RYR2: variants seen among roughly 807,000 people sequenced by gnomAD.
RYR2 encodes ryanodine receptor 2.
A neutral mutation model predicts 601.1 loss-of-function variants in RYR2; 227 were observed. The ratio of observed to expected loss-of-function variants is 0.38; its 90% CI spans 0.34 to 0.42. The LOEUF (loss-of-function observed/expected upper bound fraction) is 0.42, where lower values mean the gene tolerates loss of function less well. Ranked by LOEUF, RYR2 falls within the 10% of genes least tolerant of loss-of-function variation. RYR2 has a pLI of 1.00. For synonymous variants in RYR2, 2,223 were observed against 2,175.1 expected (o/e 1.02, Z -0.61); for missense variants, 4,646 against 6,156.5 (o/e 0.75, Z 8.21).
At chr1:237,369,734 A>G (rs765870413) in intron 6 of RYR2, 126 bp downstream of exon 6, 42 of 743,890 alleles carry the variant, frequency 5.6e-5, no homozygotes, top group Non-Finnish European at 8.9e-5. Context: ...GTGTTCTTTC[A>G]TATCTTTGTA....
rs370830831 is a variant in RYR2 at position 237,686,317 on chromosome 1, G to A, written c.9018-1138G>A. ...GTGCTCTCTGAGAGCTGAGAAGAGC[G>A]TGAGTAGATTTGAAAATAATGTCAC... is the stretch of plus-strand genomic sequence containing the variant. On this transcript the variant is annotated intron_variant, in intron 62 of 104. Transcript: ENST00000366574. Among the ~76,000 whole-genome samples the A allele has an allele frequency of 3.9e-4, 59 of 152,292 alleles. No homozygotes were observed. In the South Asian group the frequency reaches 9.9e-3, roughly 26 times the overall value.
chr1:237,274,300 A>G (rs1023093852), intron 2 of RYR2, among the ~76,000 whole-genome samples: 14 of 151,524 alleles, frequency 9.2e-5, no homozygotes, highest in Admixed American at 9.2e-4. Context: ...TAAGATCATA[A>G]TGGAGCTGAA....
chr1:237,128,965 T>A (rs917283616), intron 1 of RYR2, among the ~76,000 whole-genome samples: 1 of 152,216 alleles, frequency 6.6e-6, no homozygotes, highest in African/African-American at 2.4e-5. Context: ...GCTGCCATTT[T>A]CTGGTGTGGA....
At chr1:237,385,715 T>A (rs1198672560) in intron 8 of RYR2, among the ~76,000 whole-genome samples, 1 of 152,256 alleles carries the variant, frequency 6.6e-6, no homozygotes, top group Admixed American at 6.5e-5. Flanking sequence ...TACACTAGGT[T>A]ATTGAAATAC....
intron 10 of RYR2, among the ~76,000 whole-genome samples, chr1:237,406,142 C>CACCTCCCCTCCCCTTCCCTTCCCTT: frequency 1.9e-5 from 1 of 51,308 alleles, no homozygotes; most frequent in Non-Finnish European, 3.8e-5. Flanking sequence ...GTCCTTTCAT[C>CACCTCCCCTCCCCTTCCCTTCCCTT]CCCTCCCCTC....
intron 30 of RYR2, 148 bp downstream of exon 30, chr1:237,590,149 T>G (rs1572996883): frequency 1.3e-6 from 1 of 752,646 alleles, no homozygotes; most frequent in South Asian, 2.2e-5. Context: ...TAAGCAAAGA[T>G]GGTACTTTCT....
At chr1:237,082,544 TATATATATATATAA>T (rs1371951396) in intron 1 of RYR2, among the ~76,000 whole-genome samples, 2 of 119,428 alleles carry the variant, frequency 1.7e-5, no homozygotes, top group African/African-American at 7.6e-5. Flanking sequence ...TATATATATA[TATATATATATATAA>T]AATCGGATAT....
At chr1:237,333,938 C>G (rs371817040) in intron 3 of RYR2, among the ~76,000 whole-genome samples, 2 of 152,174 alleles carry the variant, frequency 1.3e-5, no homozygotes, top group African/African-American at 4.8e-5. Flanking sequence ...TGATTCCCAA[C>G]TCTTTCATAA....
At chr1:237,516,743 G>A (rs1445363890) in intron 24 of RYR2, among the ~76,000 whole-genome samples, 1 of 152,156 alleles carries the variant, frequency 6.6e-6, no homozygotes, top group Admixed American at 6.5e-5. Context: ...ACACATGCCA[G>A]GAACCTGGGA....
At chr1:237,264,703 T>A (rs200851299) in intron 1 of RYR2, among the ~76,000 whole-genome samples, 24,571 of 150,924 alleles carry the variant, frequency 0.16, 2,496 homozygotes, top group East Asian at 0.53. Context: ...ATTATTATTT[T>A]TTTTTTTTTG....
At chr1:237,261,065 C>T (rs1409449000) in intron 1 of RYR2, among the ~76,000 whole-genome samples, 1 of 152,210 alleles carries the variant, frequency 6.6e-6, no homozygotes, top group South Asian at 2.1e-4. Flanking sequence ...TTTTATTTGT[C>T]TGTATGACAT....
rs1037487017 is a variant in RYR2 at position 237,501,593 on chromosome 1, G to A, written c.2396+690G>A. Among the ~76,000 whole-genome samples the A allele has an allele frequency of 1.7e-4, 26 of 152,250 alleles. 1 individual carries two copies. Among genetic ancestry groups the A allele is most frequent in the Middle Eastern group, 3.4e-3 (1 of 294 alleles). ...ATACACACACACACCTGTACACTTA[G>A]AAGGACTCCATTTGTTTCAGTTATT... is the stretch of plus-strand genomic sequence containing the variant. On this transcript the variant is annotated intron_variant, in intron 21 of 104. Coordinates refer to ENST00000366574, the MANE Select transcript of RYR2 (RefSeq NM_001035.3).
At chr1:237,508,226 G>A (rs1665467943) in intron 23 of RYR2, among the ~76,000 whole-genome samples, 1 of 152,112 alleles carries the variant, frequency 6.6e-6, no homozygotes, top group South Asian at 2.1e-4. Context: ...CTCCCAAAGT[G>A]CTGGGATTAC....
intron 1 of RYR2, among the ~76,000 whole-genome samples, chr1:237,142,450 C>G (rs1329450796): frequency 6.6e-6 from 1 of 152,176 alleles, no homozygotes; most frequent in Non-Finnish European, 1.5e-5. Flanking sequence ...ATTTGAAGAA[C>G]ACTTCTGGGG....
intron 71 of RYR2, among the ~76,000 whole-genome samples, chr1:237,712,505 T>C (rs752761352): frequency 6.6e-6 from 1 of 151,848 alleles, no homozygotes; most frequent in Admixed American, 6.6e-5. Flanking sequence ...CTCCAAGATG[T>C]CAGAGCAACA....
intron 62 of RYR2, among the ~76,000 whole-genome samples, chr1:237,683,484 G>A (rs953125005): frequency 2.0e-5 from 3 of 152,156 alleles, no homozygotes; most frequent in African/African-American, 7.2e-5. Context: ...AGAGGGGCGA[G>A]AGATTTATGG....
At chr1:237,726,194 C>A in intron 74 of RYR2, 79 bp from the exon 75 acceptor site, 1 of 966,164 alleles carries the variant, frequency 1.0e-6, no homozygotes. Flanking sequence ...TTATTACAAT[C>A]ATTTTTGACT....
chr1:237,572,445 A>G (rs1169689648), intron 29 of RYR2, among the ~76,000 whole-genome samples: 1 of 152,220 alleles, frequency 6.6e-6, no homozygotes, highest in Non-Finnish European at 1.5e-5. Flanking sequence ...GGTACCACAC[A>G]GTCACATAGA....
intron 38 of RYR2, among the ~76,000 whole-genome samples, chr1:237,621,955 TCTATTTTGA>T: frequency 6.6e-6 from 1 of 152,312 alleles, no homozygotes; most frequent in South Asian, 2.1e-4. Flanking sequence ...GGAATTATCC[TCTATTTTGA>T]CTGCACTAAT....
Sources: gnomAD v4.1 joint callset for allele counts (sites outside exome capture counted in the v4.1 genomes callset) on GRCh38, gnomAD v4.1.1 for gene constraint, MANE v1.5 for transcripts, NCBI Gene and HGNC (gene_info 2026-07-23, HGNC 2026-07-21) for gene names.